FLNA: variants seen among roughly 807,000 people sequenced by gnomAD.
The protein encoded by FLNA is filamin A.
Under a neutral mutation model 157.6 loss-of-function variants are expected in FLNA, and 7 were observed. The ratio of observed to expected loss-of-function variants is 0.04; its 90% CI spans 0.03 to 0.08. The LOEUF is 0.08. Ranked by LOEUF, FLNA falls within the 10% of genes least tolerant of loss-of-function variation. The probability of loss-of-function intolerance (pLI) is 1.00; values close to 1 mark genes in which losing one functional copy is unlikely to be tolerated. For synonymous variants in FLNA, 1,103 were observed against 1,060.8 expected (o/e 1.04, Z -0.77); for missense variants, 1,750 against 2,398.4 (o/e 0.73, Z 5.65).
chrX:154,350,495 G>A (rs1264644568), intron 44 of FLNA: 1 of 409,919 alleles, frequency 2.4e-6, no homozygotes, highest in African/African-American at 2.5e-5. Context: ...TCCCCTGCAT[G>A]TTAACAGGCT....
At chrX:154,355,962 G>A (rs1344971645) in intron 30 of FLNA, among the ~76,000 whole-genome samples, 2 of 112,681 alleles carry the variant, frequency 1.8e-5, no homozygotes, top group East Asian at 5.6e-4. Context: ...GGCCAAGCTC[G>A]AGGGGCCCTG....
Position 154,348,945 on chromosome X carries a change from C to A in FLNA, c.7848G>T (p.Val2616=). Residue 2616 remains valine (V), a synonymous_variant, in exon 48 of 48, where the codon GTG becomes GTT. Coordinates refer to ENST00000369850, the MANE Select transcript of FLNA (RefSeq NM_001110556.2). ...CCCCCTTGTCCTTGAGCAGGTAGGA[C>A]ACGCTGTAGAGCCGGCTGCCCACGT... ...VKHVGSRLYS[V]SYLLKDKGEY... The A allele has an allele frequency of 8.3e-7, 1 of 1,211,292 alleles. No individual in the cohort carries two copies. The highest frequency in any genetic ancestry group is 1.1e-6 in the Non-Finnish European group (1 of 895,100).
At chrX:154,369,267 G>T (rs1448328061) in intron 2 of FLNA, among the ~76,000 whole-genome samples, 3 of 112,401 alleles carry the variant, frequency 2.7e-5, no homozygotes, top group Non-Finnish European at 3.8e-5. Context: ...GCAGCAGGGA[G>T]GGGGACTCGG....
At position 154,354,191 on chromosome X, in the gene FLNA, C is replaced by T. The variant is rs2148106492; in HGVS notation, c.5517G>A (p.Leu1839=). 8.3e-7 allele frequency: 1 copy of T among 1,211,746 alleles called. No homozygotes were observed. The highest frequency in any genetic ancestry group is 1.1e-6 in the Non-Finnish European group (1 of 895,594). ...TGTCATAGCGGATGTCCATCTCGTG[C>T]AGGCCAGCCTCGCTGGGTGCATACC... ...TVRYAPSEAG[L]HEMDIRYDNM... The change falls in exon 34 of 48, where the codon CTG becomes CTA. Residue 1839 remains leucine, a synonymous_variant. Transcript: ENST00000369850.
rs1353490267 is a variant in FLNA at position 154,348,829 on chromosome X, G to A, written c.*20C>T. 8.4e-6 allele frequency: 10 copies of A among 1,184,553 alleles called. No individual in the cohort carries two copies. The African/African-American group carries it at 8.8e-5, about 10-fold the overall frequency. On this transcript the variant is annotated 3_prime_UTR_variant, in exon 48 of 48. Coordinates refer to ENST00000369850, the MANE Select transcript of FLNA (RefSeq NM_001110556.2). ...TAGCGGGGCAGGCTTGGGGGCTGCCGGCTGGCACGGGCCCCAGACTCAGGG... is the reference window on the plus strand; with the variant it reads ...TAGCGGGGCAGGCTTGGGGGCTGCCAGCTGGCACGGGCCCCAGACTCAGGG...
At position 154,357,490 on chromosome X, in the gene FLNA, G is replaced by C; in HGVS notation, c.4889C>G (p.Ser1630Cys). The C allele has an allele frequency of 8.3e-7, 1 of 1,212,117 alleles. No individual in the cohort carries two copies. Among genetic ancestry groups the C allele is most frequent in the Non-Finnish European group, 1.1e-6 (1 of 895,459 alleles). ...IKYGGDEIPF[S>C]PYRVRAVPTG... ...GGGCACGGCACGCACGCGGTACGGG[G>C]AGAAGGGGATCTCGTCACCACCGTA... is the stretch of plus-strand genomic sequence containing the variant. The change falls in exon 29 of 48, where the codon TCC becomes TGC. Residue 1630 changes from serine (S) to cysteine (C), a missense_variant. Transcript: ENST00000369850.
rs1200364922 is a variant in FLNA at position 154,356,311 on chromosome X, G to C, written c.4969+940C>G. ...TTCAGCGCCCCCTTCCCCACCCCGG[G>C]CTCCCTGTCTCCATTCTGCAAACAG... On this transcript the variant is annotated intron_variant, in intron 30 of 47. Transcript: ENST00000369850. Among the ~76,000 whole-genome samples, 3 of 111,444 alleles carry C rather than the reference G, an allele frequency of 2.7e-5. No individual in the cohort carries two copies. In the South Asian group the frequency reaches 1.1e-3, roughly 42 times the overall value.
Position 154,359,892 on chromosome X carries a change from C to T in FLNA, c.3819G>A (p.Glu1273=). Reference sequence around the variant, plus strand: ...CGTCCACACTGAACTCAGTGGTGGCCTCACGGAAGACACCTGCAAAGGCAC... The same window carrying T: ...CGTCCACACTGAACTCAGTGGTGGCTTCACGGAAGACACCTGCAAAGGCAC... ...PGIEGQGVFR[E]ATTEFSVDAR... is the part of the protein sequence containing the mutation. The change falls in exon 23 of 48, where the codon GAG becomes GAA. Residue 1273 remains glutamate, a synonymous_variant. Transcript: ENST00000369850. The T allele has an allele frequency of 8.3e-7, 1 of 1,210,881 alleles. No individual in the cohort carries two copies. The highest frequency in any genetic ancestry group is 1.1e-6 in the Non-Finnish European group (1 of 895,348).
intron 45 of FLNA, 54 bp downstream of exon 45, chrX:154,349,977 G>A: frequency 8.3e-7 from 1 of 1,197,755 alleles, no homozygotes; most frequent in Non-Finnish European, 1.1e-6. Flanking sequence ...CAAGAGCTTG[G>A]AGGCAAGGGC....
intron 43 of FLNA, 185 bp from the exon 44 acceptor site, chrX:154,351,226 C>T: frequency 2.0e-6 from 1 of 492,801 alleles, no homozygotes; most frequent in South Asian, 2.9e-5. Context: ...CCGCCCCTGC[C>T]CCCACACTCT....
At chrX:154,366,275 C>T in intron 8 of FLNA, 33 bp downstream of exon 8, 1 of 1,211,472 alleles carries the variant, frequency 8.3e-7, no homozygotes, top group Non-Finnish European at 1.1e-6. Flanking sequence ...GCTCTCCCCA[C>T]AGACCAGCTG....
Position 154,359,974 on chromosome X carries a change from C to T in FLNA, c.3805+16G>A, listed in dbSNP as rs201016252. ...TCCCTGTCCCCCGTCACATACCCCA[C>T]GGCAGGGCAACTCACCCTGGCCCTC... On this transcript the variant is annotated intron_variant, in intron 22 of 47. Transcript: ENST00000369850. 1,901 of 1,203,224 alleles carry T rather than the reference C, an allele frequency of 1.6e-3. No homozygotes were observed. The highest frequency in any genetic ancestry group is 2.1e-3 in the Non-Finnish European group (1,841 of 889,433).
rs1431672096 is a variant in FLNA, at chrX:154,364,663, C to T, written c.1885G>A (p.Gly629Ser). 6.6e-6 allele frequency: 8 copies of T among 1,208,837 alleles called. No homozygotes were observed. In the African/African-American group the frequency reaches 7.0e-5, roughly 11 times the overall value. The change falls in exon 13 of 48, where the codon GGC becomes AGC. Residue 629 changes from glycine (G) to serine (S), a missense_variant. By Grantham distance (56) the Gly-to-Ser change is moderately conservative. Around this residue, in one of 5 missense-constraint regions of FLNA, gnomAD observed 648 missense variants for 805.8 expected, o/e 0.80. Transcript: ENST00000369850. The stretch of plus-strand genomic sequence containing the variant: ...GGCCAGTAGCGCACATCACAGGAGC[C>T]GTCGCCCTTGTCGTCACATTCGATC... The part of the protein sequence containing the change: ...AKIECDDKGD[G>S]SCDVRYWPQE...
chrX:154,355,233 G>A (rs1267344433), intron 30 of FLNA, among the ~76,000 whole-genome samples, 161 bp from the exon 31 acceptor site: 1 of 113,579 alleles, frequency 8.8e-6, no homozygotes, highest in Non-Finnish European at 1.9e-5. Context: ...AGCTGGGATG[G>A]CGAGTGGTTT....
Position 154,365,945 on chromosome X carries a change from G to T in FLNA, c.1429+79C>A, listed in dbSNP as rs1453688041. 8.1e-6 allele frequency: 8 copies of T among 987,839 alleles called. No homozygotes were observed. The African/African-American group carries it at 1.5e-4, about 19-fold the overall frequency. The allele number at this position is 987,839 out of a possible 1,213,427, so 81.4% of individuals were successfully genotyped here. A position where few individuals can be genotyped will look rare whatever the true frequency, so the allele number is the denominator to read the frequency against. On this transcript the variant is annotated intron_variant, in intron 9 of 47. Coordinates refer to ENST00000369850, the MANE Select transcript of FLNA (RefSeq NM_001110556.2). ...GGGGCCCCGGGGCGGGCTGCAGCGG[G>T]ACTGGCCCAGGGGGTCCCCCTCCTG...
Position 154,351,739 on chromosome X carries a change from GCCTCCCA to G in FLNA, c.6908-50_6908-44del, listed in dbSNP as rs782727595. 2.1e-5 allele frequency: 23 copies of G among 1,109,782 alleles called. No individual in the cohort carries two copies. In the African/African-American group the frequency reaches 3.8e-4, roughly 18 times the overall value. 91.5% of individuals were successfully genotyped at this position (1,109,782 alleles called of 1,213,427 possible). On this transcript the variant is annotated intron_variant, in intron 42 of 47. Transcript: ENST00000369850. ...GTAAGACCGGCTCATCAGCCTTTGG[GCCTCCCA>G]CCTCCCACGAACAGCCTGGGTGGCC...
At chrX:154,355,677 G>A (rs782627683) in intron 30 of FLNA, among the ~76,000 whole-genome samples, 22 of 113,281 alleles carry the variant, frequency 1.9e-4, no homozygotes, top group Admixed American at 3.7e-4. Context: ...GTAGCGCAGC[G>A]CAGCAGGCTT....
rs201203814 is a variant in FLNA at position 154,351,668 on chromosome X, G to A, written c.6936C>T (p.Asn2312=). Residue 2312 remains asparagine (N), a synonymous_variant, in exon 43 of 48, where the codon AAC becomes AAT. Transcript: ENST00000369850. ...AGGGGCTGTCGGGAATGTGTTCCTC[G>A]TTGAACTTGACTGAGACTTCGTAGT... ...PGDYEVSVKF[N]EEHIPDSPFV... 1.1e-4 allele frequency: 134 copies of A among 1,205,764 alleles called. No individual in the cohort carries two copies. The highest frequency in any genetic ancestry group is 1.4e-4 in the Non-Finnish European group (122 of 890,802).
chrX:154,372,274 G>A (rs142013226), intron 1 of FLNA, among the ~76,000 whole-genome samples: 2,538 of 113,312 alleles, frequency 0.022, 80 homozygotes, highest in African/African-American at 0.077. Flanking sequence ...GGCACTGGGG[G>A]GAGCTGAAGC....
Sources: gnomAD v4.1 joint callset for allele counts (sites outside exome capture counted in the v4.1 genomes callset) on GRCh38, gnomAD v4.1.1 for gene constraint, gnomAD v4.1.1 regional missense constraint, MANE v1.5 for transcripts, NCBI Gene and HGNC (gene_info 2026-07-23, HGNC 2026-07-21) for gene names.